Variants in KREMEN1 observed in about 807,000 individuals in gnomAD.
The protein encoded by KREMEN1 is kringle containing transmembrane protein 1, also known as kremen protein 1.
In KREMEN1, 30 loss-of-function variants were observed where a neutral mutation model predicts 46.5. The observed-to-expected ratio is 0.65, with a 90% CI of 0.48 to 0.88. KREMEN1 has a LOEUF of 0.88. Among genes scored for constraint, KREMEN1 ranks in the 40% least tolerant of loss-of-function variants. KREMEN1 has a pLI of 0.00. For missense variants in KREMEN1, 533 were observed against 596.9 expected, an observed-to-expected ratio of 0.89 and a Z score of 1.11; for synonymous variants, 214 against 230.6, an observed-to-expected ratio of 0.93 and a Z score of 0.65.
At chr22:29,125,496 C>A (rs2038428442) in intron 5 of KREMEN1, 80 bp downstream of exon 5, 4 of 1,416,524 alleles carry the variant, frequency 2.8e-6, no homozygotes, top group South Asian at 2.5e-5. Flanking sequence ...ACCCTCCCTC[C>A]CTTCTATGTA....
At position 29,167,553 on chromosome 22, in the gene KREMEN1, G is replaced by T. The variant is rs374504124; in HGVS notation, c.*447G>T. ...AAGCAACCACAAAACCAGAGCGGAA[G>T]GAGGGACTTCCCACCGGCATCCGGC... On this transcript the variant is annotated 3_prime_UTR_variant, in exon 10 of 10. Transcript: ENST00000327813. 1.8e-3 allele frequency: 287 copies of T among 159,860 alleles called. 1 individual carries two copies. Among genetic ancestry groups the T allele is most frequent in the African/African-American group, 6.4e-3 (269 of 41,736 alleles). The allele number at this position is 159,860 out of a possible 1,614,324, so 9.9% of individuals were successfully genotyped here.
intron 9 of KREMEN1, among the ~76,000 whole-genome samples, chr22:29,159,524 C>T (rs2038992613): frequency 6.6e-6 from 1 of 152,102 alleles, no homozygotes; most frequent in South Asian, 2.1e-4. Context: ...GAGGCTGAGG[C>T]AGGAGAATTG....
chr22:29,161,413 A>C (rs1168503582), intron 9 of KREMEN1, among the ~76,000 whole-genome samples: 1 of 146,614 alleles, frequency 6.8e-6, no homozygotes, highest in African/African-American at 2.5e-5. Context: ...AGGCTGAGGC[A>C]GGAGAATGGC....
In KREMEN1 at chr22:29,145,747, C is replaced by T. The variant is rs182453053; in HGVS notation, c.*3635C>T. ...AGGACAGGCTTGAGGCCTCTCTGGG[C>T]GTGAGCGAGGAAACCAGGCTGCTCT... On this transcript the variant is annotated 3_prime_UTR_variant, in exon 9 of 9. Transcript: ENST00000400335. 102 of 985,548 alleles carry T rather than the reference C, an allele frequency of 1.0e-4. No individual in the cohort carries two copies. The highest frequency in any genetic ancestry group is 5.5e-4 in the Admixed American group (9 of 16,294). 61.1% of individuals were successfully genotyped at this position (985,548 alleles called of 1,614,324 possible).
chr22:29,100,502 T>C (rs2037960479), intron 3 of KREMEN1, among the ~76,000 whole-genome samples: 1 of 152,220 alleles, frequency 6.6e-6, no homozygotes, highest in African/African-American at 2.4e-5. Context: ...ACATTACTCA[T>C]GTGTTTGTGG....
At chr22:29,147,972 T>G (rs1357589157), downstream of KREMEN1, among the ~76,000 whole-genome samples, 1 of 152,176 alleles carries the variant, frequency 6.6e-6, no homozygotes, top group African/African-American at 2.4e-5. Context: ...TTACCTGCAG[T>G]ATGTTTTCCA....
chr22:29,087,013 T>G (rs2037740664), intron 1 of KREMEN1, among the ~76,000 whole-genome samples: 1 of 152,176 alleles, frequency 6.6e-6, no homozygotes, highest in Non-Finnish European at 1.5e-5. Context: ...TCCTCTTGTC[T>G]TAGCCTCCCA....
chr22:29,128,360 C>T (rs1386656969), intron 5 of KREMEN1, among the ~76,000 whole-genome samples: 2 of 152,106 alleles, frequency 1.3e-5, no homozygotes, highest in Non-Finnish European at 2.9e-5. Context: ...AACATCTGTA[C>T]TTTAAAATGG....
intron 9 of KREMEN1, among the ~76,000 whole-genome samples, chr22:29,164,986 A>C (rs1370894819): frequency 1.3e-5 from 2 of 151,922 alleles, no homozygotes; most frequent in African/African-American, 4.8e-5. Context: ...CAGCCTGGCC[A>C]ATATGGTGAA....
At chr22:29,166,614 C>T (rs934992219) in intron 9 of KREMEN1, among the ~76,000 whole-genome samples, 12 of 152,174 alleles carry the variant, frequency 7.9e-5, no homozygotes, top group African/African-American at 2.9e-4. Flanking sequence ...CTCTTTTAGT[C>T]ACAGTGAGAT....
intron 1 of KREMEN1, among the ~76,000 whole-genome samples, chr22:29,075,772 AT>A (rs2123917757): frequency 6.6e-6 from 1 of 152,228 alleles, no homozygotes; most frequent in East Asian, 1.9e-4. Flanking sequence ...GCCATTTTAT[AT>A]TTTTTGATAC....
chr22:29,149,908 T>C (rs866669185), downstream of KREMEN1, among the ~76,000 whole-genome samples: 2 of 152,296 alleles, frequency 1.3e-5, 1 homozygote, highest in South Asian at 4.1e-4. Flanking sequence ...GGAACGGGGC[T>C]GGACAAGGGT....
intron 6 of KREMEN1, 120 bp from the exon 7 acceptor site, chr22:29,138,504 G>A: frequency 1.9e-6 from 2 of 1,031,280 alleles, no homozygotes; most frequent in South Asian, 1.4e-5. Flanking sequence ...ACCTATGGAA[G>A]GAATTGCACC....
chr22:29,074,867 G>C (rs2037540481), intron 1 of KREMEN1, among the ~76,000 whole-genome samples: 1 of 152,202 alleles, frequency 6.6e-6, no homozygotes, highest in Admixed American at 6.5e-5. Flanking sequence ...GTGTTGTGAA[G>C]ATTAAATGAT....
chr22:29,120,046 T>C lies in KREMEN1; in HGVS notation c.353-1311T>C. Among the ~76,000 whole-genome samples the C allele has an allele frequency of 1.5e-5, 2 of 133,358 alleles. 1 individual carries two copies. The highest frequency in any genetic ancestry group is 3.3e-5 in the Non-Finnish European group (2 of 61,338). 87.5% of individuals were successfully genotyped at this position (133,358 alleles called of 152,430 possible). On this transcript the variant is annotated intron_variant, in intron 3 of 8. Coordinates refer to ENST00000400335, the MANE Select transcript of KREMEN1 (RefSeq NM_001039570.3). ...AAACAGAGGGAGGAAGGAGAGGTGA[T>C]GATGGAAACAGGGAGGAGGGAGAGG...
At chr22:29,086,575 A>G (rs2037731951) in intron 1 of KREMEN1, among the ~76,000 whole-genome samples, 1 of 152,206 alleles carries the variant, frequency 6.6e-6, no homozygotes, top group South Asian at 2.1e-4. Context: ...CCTTTACTAC[A>G]GGGTTTCACA....
exon 10 of KREMEN1, chr22:29,168,306 T>C (rs2039071054): frequency 7.5e-6 from 1 of 133,940 alleles, no homozygotes; most frequent in Admixed American, 8.3e-5. Context: ...TGCACTCCAG[T>C]GTAGGCAACA....
intron 1 of KREMEN1, among the ~76,000 whole-genome samples, chr22:29,087,242 T>TA: frequency 1.3e-5 from 2 of 152,250 alleles, no homozygotes; most frequent in Admixed American, 1.3e-4. Context: ...CAAGCCAGGC[T>TA]AAAACCAGAC....
intron 3 of KREMEN1, among the ~76,000 whole-genome samples, chr22:29,101,303 A>G (rs2037973197): frequency 6.6e-6 from 1 of 151,590 alleles, no homozygotes; most frequent in Non-Finnish European, 1.5e-5. Flanking sequence ...ATATTTTTGT[A>G]CAGCTATACA....
Sources: allele counts gnomAD v4.1 joint callset (sites outside exome capture counted in the v4.1 genomes callset), GRCh38; gene constraint gnomAD v4.1.1; transcripts MANE v1.5; gene names NCBI Gene and HGNC (gene_info 2026-07-23, HGNC 2026-07-21).